DCC: variants seen among roughly 807,000 people sequenced by gnomAD.
The protein encoded by DCC is netrin receptor DCC.
In DCC, 58 loss-of-function variants were observed where a neutral mutation model predicts 172.5. That is an observed-to-expected ratio of 0.34 (90% CI 0.27 to 0.42). DCC has a LOEUF of 0.42. DCC is among the 10% of genes least tolerant of loss of function. The probability of loss-of-function intolerance (pLI) is 1.00; values close to 1 mark genes in which losing one functional copy is unlikely to be tolerated. For missense variants in DCC, 1,740 were observed against 1,791.0 expected, an observed-to-expected ratio of 0.97 and a Z score of 0.51; for synonymous variants, 709 against 644.5, an observed-to-expected ratio of 1.10 and a Z score of -1.52.
At chr18:53,168,925 T>C (rs2054967924) in intron 8 of DCC, among the ~76,000 whole-genome samples, 1 of 151,848 alleles carries the variant, frequency 6.6e-6, no homozygotes, top group South Asian at 2.1e-4. Flanking sequence ...GGGCATGGAG[T>C]TGACAGGTTA....
intron 2 of DCC, among the ~76,000 whole-genome samples, chr18:52,880,660 C>A (rs550790232): frequency 4.6e-5 from 7 of 152,132 alleles, no homozygotes; most frequent in Non-Finnish European, 1.0e-4. Context: ...ATGACCTCCA[C>A]CTCCATCAGT....
chr18:52,829,004 G>A (rs971409727), intron 2 of DCC, among the ~76,000 whole-genome samples: 2 of 152,130 alleles, frequency 1.3e-5, no homozygotes, highest in African/African-American at 2.4e-5. Context: ...ATATGATTTT[G>A]TTTGCTTATA....
At chr18:52,431,461 C>G (rs1020302) in intron 1 of DCC, among the ~76,000 whole-genome samples, 134,915 of 152,092 alleles carry the variant, frequency 0.89, 59,900 homozygotes, top group African/African-American at 0.93. Context: ...ATTAGTGCCA[C>G]GGACTGTGCT....
chr18:52,663,051 A>T (rs976420787), intron 1 of DCC, among the ~76,000 whole-genome samples: 1 of 152,202 alleles, frequency 6.6e-6, no homozygotes, highest in Non-Finnish European at 1.5e-5. Context: ...AAAATAAAAG[A>T]ATCAGAGTAG....
At chr18:52,446,444 A>G (rs1253395587) in intron 1 of DCC, among the ~76,000 whole-genome samples, 1 of 152,198 alleles carries the variant, frequency 6.6e-6, no homozygotes, top group African/African-American at 2.4e-5. Context: ...TGGCTTCAAT[A>G]ACTTCATCAA....
chr18:52,649,389 AG>A (rs1392905429), intron 1 of DCC, among the ~76,000 whole-genome samples: 50 of 147,460 alleles, frequency 3.4e-4, no homozygotes, highest in Middle Eastern at 3.4e-3. Context: ...AAAAAAAAAA[AG>A]ATTAACTTTA....
chr18:52,503,511 G>C (rs1305998725), intron 1 of DCC, among the ~76,000 whole-genome samples: 1 of 152,110 alleles, frequency 6.6e-6, no homozygotes, highest in Non-Finnish European at 1.5e-5. Flanking sequence ...AGTAGGAAAA[G>C]CATGCGATTG....
chr18:53,356,165 C>G (rs1044603336), intron 15 of DCC, among the ~76,000 whole-genome samples: 1 of 152,074 alleles, frequency 6.6e-6, no homozygotes, highest in Admixed American at 6.6e-5. Context: ...AGCAATTCTG[C>G]TGCCTTAGCT....
intron 1 of DCC, among the ~76,000 whole-genome samples, chr18:52,537,300 A>G (rs886182413): frequency 6.6e-6 from 1 of 152,248 alleles, no homozygotes; most frequent in Non-Finnish European, 1.5e-5. Flanking sequence ...TGATATATTT[A>G]GACTTGGGCT....
At chr18:52,453,104 CCTCT>C (rs1487162111) in intron 1 of DCC, among the ~76,000 whole-genome samples, 2 of 152,214 alleles carry the variant, frequency 1.3e-5, no homozygotes, top group Non-Finnish European at 2.9e-5. Flanking sequence ...CGCACCACCT[CCTCT>C]CTATCACCAA....
At chr18:53,435,089 G>A in intron 21 of DCC, 55 bp from the exon 22 acceptor site, 1 of 1,270,784 alleles carries the variant, frequency 7.9e-7, no homozygotes, top group South Asian at 1.2e-5. Context: ...TATTCTTTTT[G>A]TCTTCATTTT....
chr18:52,662,052 A>T (rs1162093580), intron 1 of DCC, among the ~76,000 whole-genome samples: 1 of 152,234 alleles, frequency 6.6e-6, no homozygotes, highest in African/African-American at 2.4e-5. Context: ...AATGTAGGAG[A>T]AAAGAAAAAT....
Position 53,115,400 on chromosome 18 carries a change from G to GGT in DCC, c.1262-41942_1262-41941dup, listed in dbSNP as rs146534238. Among the ~76,000 whole-genome samples the GGT allele has an allele frequency of 1.1e-3, 168 of 150,962 alleles. 2 individuals are homozygous for GGT. Among genetic ancestry groups the GGT allele is most frequent in the African/African-American group, 3.6e-3 (149 of 41,260 alleles). On this transcript the variant is annotated intron_variant, in intron 7 of 28. Transcript: ENST00000442544. ...GTTTTACCTAGCATATTAAAGTTGG[G>GGT]GTGTGTGTGTGTGTGGTTAGTGGCA...
chr18:52,628,144 C>T (rs928874178), intron 1 of DCC, among the ~76,000 whole-genome samples: 26 of 152,164 alleles, frequency 1.7e-4, no homozygotes, highest in Non-Finnish European at 2.6e-4. Flanking sequence ...CACATCTTCC[C>T]TTTTGCTGTG....
intron 1 of DCC, among the ~76,000 whole-genome samples, chr18:52,599,526 A>ATTATTTTATTTTATT (rs59180152): frequency 6.7e-6 from 1 of 149,840 alleles, no homozygotes; most frequent in African/African-American, 2.5e-5. Context: ...TTATAAATAT[A>ATTATTTTATTTTATT]TTATTTTATT....
rs34974743 is a variant in DCC, at chr18:52,894,396, TACAC to T, written c.413-11628_413-11625del. On this transcript the variant is annotated intron_variant, in intron 2 of 28. Transcript: ENST00000442544. ...CTGGATTCCCCAGAAACAGGACACA[TACAC>T]ACACACACACACACACACATGCATA... 3.2e-4 allele frequency among the ~76,000 whole-genome samples: 48 copies of T among 148,694 alleles called. 1 individual carries two copies. The highest frequency in any genetic ancestry group is 4.7e-4 in the Admixed American group (7 of 14,820).
chr18:53,076,692 A>G (rs1056694509), intron 7 of DCC, among the ~76,000 whole-genome samples: 10 of 152,188 alleles, frequency 6.6e-5, no homozygotes, highest in African/African-American at 2.4e-4. Context: ...AAAGCAACCC[A>G]TTTCCAGAAT....
intron 5 of DCC, among the ~76,000 whole-genome samples, chr18:53,053,190 G>T (rs1326608720): frequency 6.6e-6 from 1 of 152,028 alleles, no homozygotes; most frequent in East Asian, 1.9e-4. Flanking sequence ...CAACAGAAAA[G>T]AAAAGGAAAA....
intron 1 of DCC, among the ~76,000 whole-genome samples, chr18:52,346,424 AT>A (rs1281202159): frequency 2.0e-5 from 3 of 152,216 alleles, no homozygotes; most frequent in African/African-American, 7.2e-5. Flanking sequence ...GATGATCAAA[AT>A]TATTATAGTG....
Sources: gnomAD v4.1 joint callset for allele counts (sites outside exome capture counted in the v4.1 genomes callset) on GRCh38, gnomAD v4.1.1 for gene constraint, MANE v1.5 for transcripts, NCBI Gene and HGNC (gene_info 2026-07-23, HGNC 2026-07-21) for gene names.